The following LRFN5 variants were observed in gnomAD, a reference collection of about 807,000 sequenced individuals.
The protein encoded by LRFN5 is leucine-rich repeat and fibronectin type-III domain-containing protein 5.
Under a neutral mutation model 45.6 loss-of-function variants are expected in LRFN5, and 24 were observed. That is an observed-to-expected ratio of 0.53 (90% CI 0.38 to 0.74). The LOEUF is 0.74. LRFN5 is among the 30% of genes least tolerant of loss of function. The probability of loss-of-function intolerance (pLI) is 0.00; values close to 1 mark genes in which losing one functional copy is unlikely to be tolerated. For synonymous variants in LRFN5, 340 were observed against 313.8 expected (o/e 1.08, Z -0.88); for missense variants, 776 against 861.5 (o/e 0.90, Z 1.24).
intron 2 of LRFN5, among the ~76,000 whole-genome samples, chr14:41,808,495 A>G (rs1887614442): frequency 8.0e-6 from 1 of 124,888 alleles, no homozygotes; most frequent in South Asian, 2.9e-4. Context: ...AATTGTGGCC[A>G]GACAAGGAAG....
intron 1 of LRFN5, among the ~76,000 whole-genome samples, chr14:41,647,963 A>G (rs1357701823): frequency 6.6e-6 from 1 of 152,240 alleles, no homozygotes; most frequent in Non-Finnish European, 1.5e-5. Context: ...GTAATAGTTA[A>G]GAAGAATATG....
At chr14:41,844,862 A>G (rs1053095697) in intron 2 of LRFN5, among the ~76,000 whole-genome samples, 4 of 152,120 alleles carry the variant, frequency 2.6e-5, no homozygotes, top group Non-Finnish European at 5.9e-5. Flanking sequence ...TTGTTAAACA[A>G]GAGATTAAAT....
chr14:41,704,335 CT>C (rs1882959461), intron 1 of LRFN5, among the ~76,000 whole-genome samples: 2 of 151,676 alleles, frequency 1.3e-5, no homozygotes, highest in Non-Finnish European at 1.5e-5. Context: ...TACTTTACCT[CT>C]GGCCTTGTAT....
intron 1 of LRFN5, among the ~76,000 whole-genome samples, chr14:41,621,077 T>A (rs1438782114): frequency 6.6e-6 from 1 of 152,126 alleles, no homozygotes; most frequent in Non-Finnish European, 1.5e-5. Flanking sequence ...ATTACCTCTA[T>A]ATTTGTGTAT....
chr14:41,675,274 C>G (rs1881564413), intron 1 of LRFN5, among the ~76,000 whole-genome samples: 1 of 152,236 alleles, frequency 6.6e-6, no homozygotes, highest in Non-Finnish European at 1.5e-5. Context: ...GAGGTTGTAG[C>G]CAGCCGAGAT....
intron 1 of LRFN5, among the ~76,000 whole-genome samples, chr14:41,736,995 A>G (rs1455470566): frequency 6.6e-6 from 1 of 152,156 alleles, no homozygotes; most frequent in African/African-American, 2.4e-5. Flanking sequence ...TCTCTAACTC[A>G]TTTTCTGAGG....
intron 1 of LRFN5, among the ~76,000 whole-genome samples, chr14:41,634,274 G>A (rs902068365): frequency 6.6e-6 from 1 of 152,030 alleles, no homozygotes; most frequent in South Asian, 2.1e-4. Context: ...AGATTTTTCA[G>A]CATCTTCTAT....
intron 2 of LRFN5, among the ~76,000 whole-genome samples, chr14:41,870,298 C>T (rs1402820138): frequency 1.3e-5 from 2 of 152,112 alleles, no homozygotes; most frequent in Non-Finnish European, 2.9e-5. Flanking sequence ...AAATACCTTC[C>T]TTCAAACGAT....
intron 2 of LRFN5, among the ~76,000 whole-genome samples, chr14:41,838,931 A>T (rs1397877317): frequency 9.9e-5 from 15 of 152,088 alleles, no homozygotes. Context: ...ATTTTAAAAT[A>T]TTGCAGCCTC....
intron 1 of LRFN5, among the ~76,000 whole-genome samples, chr14:41,674,389 A>G (rs554874701): frequency 1.0e-3 from 120 of 116,718 alleles, no homozygotes; most frequent in South Asian, 1.2e-3. Flanking sequence ...TGACCCCCCC[A>G]CCTCCCTCCC....
intron 2 of LRFN5, among the ~76,000 whole-genome samples, chr14:41,789,835 A>AT (rs1329200371): frequency 2.0e-5 from 3 of 151,820 alleles, no homozygotes; most frequent in African/African-American, 7.3e-5. Flanking sequence ...ATTGGGTAGG[A>AT]TTTTTTAAAT....
At chr14:41,891,169 A>G in intron 3 of LRFN5, 81 bp from the exon 4 acceptor site, 1 of 1,055,802 alleles carries the variant, frequency 9.5e-7, no homozygotes, top group African/African-American at 1.6e-5. Context: ...CTGAAATGAC[A>G]CTGAACTAAA....
intron 1 of LRFN5, among the ~76,000 whole-genome samples, chr14:41,739,779 G>GTT (rs150088238): frequency 6.6e-6 from 1 of 151,434 alleles, no homozygotes; most frequent in Admixed American, 6.6e-5. Flanking sequence ...GTAAAATTGG[G>GTT]GTTTTTTCAA....
At chr14:41,681,373 G>T (rs1424192662) in intron 1 of LRFN5, among the ~76,000 whole-genome samples, 1 of 151,964 alleles carries the variant, frequency 6.6e-6, no homozygotes, top group African/African-American at 2.4e-5. Context: ...AATAACAAGA[G>T]AAAAGAAACA....
chr14:41,747,972 T>C (rs1884988418), intron 1 of LRFN5, among the ~76,000 whole-genome samples: 1 of 151,996 alleles, frequency 6.6e-6, no homozygotes, highest in Non-Finnish European at 1.5e-5. Context: ...TCGTAATCAT[T>C]AGGATGAAGA....
chr14:41,880,267 A>T (rs1249093342), intron 2 of LRFN5, among the ~76,000 whole-genome samples: 1 of 150,128 alleles, frequency 6.7e-6, no homozygotes, highest in Non-Finnish European at 1.5e-5. Context: ...TTTATGTATT[A>T]TTTCTATTTT....
chr14:41,697,033 C>G (rs1882642298), intron 1 of LRFN5, among the ~76,000 whole-genome samples: 2 of 151,884 alleles, frequency 1.3e-5, no homozygotes, highest in Non-Finnish European at 2.9e-5. Context: ...TTAATCTGCA[C>G]TTTTGATATT....
At chr14:41,856,015 T>G (rs993965191) in intron 2 of LRFN5, among the ~76,000 whole-genome samples, 2 of 152,190 alleles carry the variant, frequency 1.3e-5, no homozygotes, top group Non-Finnish European at 2.9e-5. Context: ...TTTAGTACCC[T>G]AATATCTAGG....
chr14:41,768,818 T>C (rs12892583), intron 2 of LRFN5, among the ~76,000 whole-genome samples: 42,353 of 152,078 alleles, frequency 0.28, 6,227 homozygotes, highest in South Asian at 0.43. Context: ...GATTCTCTAG[T>C]GTAAATCACA....
Sources: gnomAD v4.1 joint callset for allele counts (sites outside exome capture counted in the v4.1 genomes callset) on GRCh38, gnomAD v4.1.1 for gene constraint, MANE v1.5 for transcripts, NCBI Gene and HGNC (gene_info 2026-07-23, HGNC 2026-07-21) for gene names.